The following WDR70 variants were observed in gnomAD, a reference collection of about 807,000 sequenced individuals.
WDR70 encodes WD repeat-containing protein 70.
In WDR70, 53 loss-of-function variants were observed where a neutral mutation model predicts 88.6. The ratio of observed to expected loss-of-function variants is 0.60; its 90% CI spans 0.48 to 0.75. The LOEUF (loss-of-function observed/expected upper bound fraction) is 0.75, where lower values mean the gene tolerates loss of function less well. WDR70 is among the 30% of genes least tolerant of loss of function. The probability of loss-of-function intolerance (pLI) is 0.00; values close to 1 mark genes in which losing one functional copy is unlikely to be tolerated. For synonymous variants in WDR70, 280 were observed against 270.0 expected (o/e 1.04, Z -0.36); for missense variants, 610 against 823.2 (o/e 0.74, Z 3.17).
chr5:37,683,251 A>G (rs1246168948), intron 10 of WDR70, among the ~76,000 whole-genome samples: 2 of 152,164 alleles, frequency 1.3e-5, no homozygotes, highest in Non-Finnish European at 2.9e-5. Flanking sequence ...TGAAGACAAC[A>G]TACGATTTGG....
At chr5:37,404,135 A>T (rs1475377456) in intron 5 of WDR70, among the ~76,000 whole-genome samples, 1 of 152,214 alleles carries the variant, frequency 6.6e-6, no homozygotes, top group Admixed American at 6.6e-5. Flanking sequence ...TTGATTCAGT[A>T]TAACTGTAGT....
intron 13 of WDR70, among the ~76,000 whole-genome samples, chr5:37,713,648 A>T (rs932704629): frequency 7.9e-5 from 12 of 151,768 alleles, no homozygotes; most frequent in African/African-American, 2.9e-4. Flanking sequence ...CTAGGGAGAA[A>T]CATACTTCCT....
chr5:37,486,230 A>G (rs145669283), intron 8 of WDR70, among the ~76,000 whole-genome samples: 22,355 of 152,164 alleles, frequency 0.15, 2,081 homozygotes, highest in Non-Finnish European at 0.21. Context: ...AGACTGCTCT[A>G]TGTTAAACCC....
chr5:37,599,026 G>C (rs1374328542), intron 9 of WDR70, among the ~76,000 whole-genome samples: 1 of 152,198 alleles, frequency 6.6e-6, no homozygotes, highest in Non-Finnish European at 1.5e-5. Context: ...GAGGTAAAGG[G>C]AAGCATTAAT....
At chr5:37,713,055 G>A (rs1451974125) in intron 13 of WDR70, among the ~76,000 whole-genome samples, 1 of 152,108 alleles carries the variant, frequency 6.6e-6, no homozygotes, top group Non-Finnish European at 1.5e-5. Flanking sequence ...TGATTCAGAT[G>A]CAGTTTTTTA....
At chr5:37,635,573 A>G (rs1744938837) in intron 10 of WDR70, among the ~76,000 whole-genome samples, 2 of 152,198 alleles carry the variant, frequency 1.3e-5, no homozygotes, top group South Asian at 4.1e-4. Flanking sequence ...TTTTAAAAAT[A>G]GATAAATATT....
intron 3 of WDR70, among the ~76,000 whole-genome samples, chr5:37,388,274 G>A (rs962700346): frequency 2.6e-5 from 4 of 151,806 alleles, no homozygotes; most frequent in East Asian, 3.9e-4. Flanking sequence ...GCACCACCAT[G>A]CCCGGCTAAT....
At chr5:37,457,361 G>A (rs1378773063) in intron 7 of WDR70, among the ~76,000 whole-genome samples, 1 of 152,182 alleles carries the variant, frequency 6.6e-6, no homozygotes, top group South Asian at 2.1e-4. Flanking sequence ...CTCCCAAAGT[G>A]CTGGGATTAC....
chr5:37,455,030 C>T (rs758374440), intron 7 of WDR70, among the ~76,000 whole-genome samples: 1 of 152,102 alleles, frequency 6.6e-6, no homozygotes, highest in Admixed American at 6.5e-5. Context: ...TGGCACAGTG[C>T]CTGGCACCTA....
rs1052584272 is a variant in WDR70 at position 37,554,133 on chromosome 5, G to T, written c.917+37543G>T. On this transcript the variant is annotated intron_variant, in intron 9 of 17. Transcript: ENST00000265107. ...CTTTTTTTTTTTTTTTTTTAAGTACGCTCAGGTTGTTTGTACTTAGCCAGC... is the reference window on the plus strand; with the variant it reads ...CTTTTTTTTTTTTTTTTTTAAGTACTCTCAGGTTGTTTGTACTTAGCCAGC... Among the ~76,000 whole-genome samples, 4 of 138,278 alleles carry T rather than the reference G, an allele frequency of 2.9e-5. No individual in the cohort carries two copies. The East Asian group carries it at 8.1e-4, about 28-fold the overall frequency. 90.7% of individuals were successfully genotyped at this position (138,278 alleles called of 152,430 possible).
rs557901643 is a variant in WDR70, at chr5:37,653,511, A to G, written c.1093-44144A>G. On this transcript the variant is annotated intron_variant, in intron 10 of 17. Transcript: ENST00000265107. ...ATTGTTTGGGATAGTTTCAGAAGGGATGGTACCAGCTCCTCTTTGTACCTC... is the reference window on the plus strand; with the variant it reads ...ATTGTTTGGGATAGTTTCAGAAGGGGTGGTACCAGCTCCTCTTTGTACCTC... 2.4e-3 allele frequency among the ~76,000 whole-genome samples: 371 copies of G among 152,256 alleles called. 4 individuals carry two copies. Among genetic ancestry groups the G allele is most frequent in the Middle Eastern group, 0.01 (3 of 294 alleles).
chr5:37,576,135 T>G, intron 9 of WDR70, among the ~76,000 whole-genome samples: 1 of 74,790 alleles, frequency 1.3e-5, no homozygotes. Context: ...CCGCCCTCCT[T>G]CCCCCCTCCC....
chr5:37,721,044 C>A (rs1747795956), intron 13 of WDR70, 71 bp from the exon 14 acceptor site: 1 of 1,328,586 alleles, frequency 7.5e-7, no homozygotes, highest in South Asian at 1.2e-5. Flanking sequence ...GACTAGCCAT[C>A]AAAGTACCAG....
chr5:37,398,182 G>A (rs1448716887), intron 5 of WDR70, among the ~76,000 whole-genome samples: 1 of 149,736 alleles, frequency 6.7e-6, no homozygotes. Flanking sequence ...TTCGCCTCCC[G>A]GGTTCATGCC....
intron 9 of WDR70, among the ~76,000 whole-genome samples, chr5:37,546,799 T>A (rs1742011320): frequency 6.6e-6 from 1 of 151,946 alleles, no homozygotes; most frequent in Non-Finnish European, 1.5e-5. Flanking sequence ...CACTCTGTAG[T>A]CTCAGTTCCT....
intron 8 of WDR70, among the ~76,000 whole-genome samples, chr5:37,509,897 A>G (rs548661732): frequency 2.6e-5 from 4 of 151,286 alleles, no homozygotes; most frequent in African/African-American, 9.7e-5. Flanking sequence ...CCACATCTCT[A>G]TAATAAATAA....
At chr5:37,421,448 A>G (rs527812475) in intron 5 of WDR70, among the ~76,000 whole-genome samples, 4 of 152,332 alleles carry the variant, frequency 2.6e-5, no homozygotes, top group African/African-American at 7.2e-5. Flanking sequence ...TGACAGACCT[A>G]TCTCTTTCAT....
chr5:37,750,589 G>T (rs1473879389), intron 17 of WDR70, among the ~76,000 whole-genome samples: 4 of 152,250 alleles, frequency 2.6e-5, no homozygotes, highest in East Asian at 3.9e-4. Context: ...ATCTTGAATT[G>T]TAGCTCCCAT....
intron 9 of WDR70, among the ~76,000 whole-genome samples, chr5:37,518,321 C>A (rs1286637748): frequency 6.6e-6 from 1 of 151,374 alleles, no homozygotes; most frequent in Non-Finnish European, 1.5e-5. Context: ...TTTTTTTTAA[C>A]CCATTAACCA....
Sources: allele counts gnomAD v4.1 joint callset (sites outside exome capture counted in the v4.1 genomes callset), GRCh38; gene constraint gnomAD v4.1.1; transcripts MANE v1.5; gene names NCBI Gene and HGNC (gene_info 2026-07-23, HGNC 2026-07-21).